The following SLC39A10 variants were observed in gnomAD, a reference collection of about 807,000 sequenced individuals.
The protein encoded by SLC39A10 is zinc transporter ZIP10.
SLC39A10 carries 13 observed loss-of-function variants against 65.1 expected under a neutral mutation model. The observed-to-expected ratio is 0.20, with a 90% CI of 0.13 to 0.32. The LOEUF is 0.32. SLC39A10 is among the 10% of genes least tolerant of loss of function. The probability of loss-of-function intolerance (pLI) is 1.00; values close to 1 mark genes in which losing one functional copy is unlikely to be tolerated. For synonymous variants in SLC39A10, 321 were observed against 342.2 expected (o/e 0.94, Z 0.68); for missense variants, 831 against 1,018.4 (o/e 0.82, Z 2.50).
intron 1 of SLC39A10, among the ~76,000 whole-genome samples, chr2:195,662,566 G>A (rs1689449025): frequency 6.6e-6 from 1 of 152,088 alleles, no homozygotes; most frequent in Non-Finnish European, 1.5e-5. Context: ...GAGCCACCGT[G>A]CCCAGCCTAT....
At chr2:195,620,820 T>C (rs755309081) in intron 2 of SLC39A10, among the ~76,000 whole-genome samples, 1 of 152,214 alleles carries the variant, frequency 6.6e-6, no homozygotes, top group Non-Finnish European at 1.5e-5. Flanking sequence ...CAAAGTTTAT[T>C]GAATGTTGCT....
At chr2:195,657,464 C>T in intron 1 of SLC39A10, 183 bp downstream of exon 1, 1 of 985,850 alleles carries the variant, frequency 1.0e-6, no homozygotes, top group Non-Finnish European at 1.2e-6. Context: ...CGGCGGCGGC[C>T]AGCCGAAGCA....
chr2:195,645,398 T>C (rs1000087578), intron 2 of SLC39A10, among the ~76,000 whole-genome samples: 2 of 152,226 alleles, frequency 1.3e-5, no homozygotes, highest in Admixed American at 6.5e-5. Context: ...TGGAAACTTA[T>C]TCTCAAAATT....
At chr2:195,700,922 T>G (rs1691151905) in intron 3 of SLC39A10, among the ~76,000 whole-genome samples, 1 of 152,144 alleles carries the variant, frequency 6.6e-6, no homozygotes, top group African/African-American at 2.4e-5. Context: ...GGAGTTCATT[T>G]AGCTTCTTAG....
intron 2 of SLC39A10, among the ~76,000 whole-genome samples, chr2:195,637,175 A>T (rs748194192): frequency 9.2e-5 from 14 of 152,284 alleles, no homozygotes; most frequent in Non-Finnish European, 2.1e-4. Flanking sequence ...TTGAGAAAAG[A>T]TTATCATGTC....
At position 195,668,837 on chromosome 2, in the gene SLC39A10, C is replaced by G. The variant is rs1689739835; in HGVS notation, c.-11-11195C>G. Among the ~76,000 whole-genome samples, 7 of 152,250 alleles carry G rather than the reference C, an allele frequency of 4.6e-5. No individual in the cohort carries two copies. In the South Asian group the frequency reaches 1.5e-3, roughly 32 times the overall value. The stretch of plus-strand genomic sequence containing the variant: ...CAGCACTTTGGGTCACATCCCAGCA[C>G]TTTGGGAGGCTGAGGCGGGTAGATT... On this transcript the variant is annotated intron_variant, in intron 1 of 9. Coordinates refer to ENST00000359634, the MANE Select transcript of SLC39A10 (RefSeq NM_020342.3).
intron 3 of SLC39A10, among the ~76,000 whole-genome samples, chr2:195,688,033 G>A (rs933757382): frequency 2.0e-5 from 3 of 152,190 alleles, no homozygotes; most frequent in Admixed American, 6.5e-5. Context: ...GAGAAAGGGA[G>A]TCAGTGAATA....
chr2:195,624,029 A>G (rs1244712762), intron 2 of SLC39A10, among the ~76,000 whole-genome samples: 2 of 152,162 alleles, frequency 1.3e-5, no homozygotes, highest in Non-Finnish European at 2.9e-5. Flanking sequence ...ACTCAGGAAT[A>G]AAATTAAGAG....
intron 2 of SLC39A10, among the ~76,000 whole-genome samples, chr2:195,625,428 A>T (rs1688452234): frequency 6.6e-6 from 1 of 150,814 alleles, no homozygotes; most frequent in African/African-American, 2.4e-5. Context: ...GGCACCTGCC[A>T]CCACGCCCGG....
chr2:195,633,194 G>A (rs549304458), intron 2 of SLC39A10, among the ~76,000 whole-genome samples: 20 of 152,342 alleles, frequency 1.3e-4, no homozygotes, highest in South Asian at 1.0e-3. Flanking sequence ...TCATGGGCAG[G>A]AACTAGAGTG....
At position 195,697,627 on chromosome 2, in the gene SLC39A10, T is replaced by C. The variant is rs1691016375; in HGVS notation, c.1217-8989T>C. Reference sequence around the variant, plus strand: ...GCGTCAGTGTCTCTTGTTCCCCTCATAGAGGGGACAGCCTACAGAATGGGA... The same window carrying C: ...GCGTCAGTGTCTCTTGTTCCCCTCACAGAGGGGACAGCCTACAGAATGGGA... On this transcript the variant is annotated intron_variant, in intron 3 of 9. Transcript: ENST00000359634. Among the ~76,000 whole-genome samples the C allele has an allele frequency of 3.3e-5, 5 of 151,974 alleles. No homozygotes were observed. The South Asian group carries it at 1.0e-3, about 32-fold the overall frequency.
At chr2:195,704,643 CATCAT>C (rs1349184516) in intron 3 of SLC39A10, among the ~76,000 whole-genome samples, 1 of 152,140 alleles carries the variant, frequency 6.6e-6, no homozygotes. Context: ...GCCTGGTGAT[CATCAT>C]TAAGTTAGCC....
chr2:195,647,540 C>G (rs1688947352), intron 2 of SLC39A10, among the ~76,000 whole-genome samples: 1 of 151,956 alleles, frequency 6.6e-6, no homozygotes, highest in South Asian at 2.1e-4. Context: ...TTATCTGACT[C>G]TACTACTCAT....
intron 2 of SLC39A10, among the ~76,000 whole-genome samples, chr2:195,617,980 C>A (rs1057007324): frequency 4.7e-5 from 7 of 149,536 alleles, no homozygotes; most frequent in Non-Finnish European, 1.0e-4. Flanking sequence ...ACCTCGTGAT[C>A]CGCCCACCTT....
intron 3 of SLC39A10, among the ~76,000 whole-genome samples, chr2:195,696,923 A>G (rs1338551026): frequency 1.3e-5 from 2 of 152,202 alleles, no homozygotes; most frequent in Admixed American, 1.3e-4. Context: ...AAAAGGGCCA[A>G]GCAGGTGACT....
intron 8 of SLC39A10, among the ~76,000 whole-genome samples, chr2:195,723,185 C>G (rs1692111861): frequency 6.6e-6 from 1 of 152,148 alleles, no homozygotes; most frequent in Admixed American, 6.5e-5. Flanking sequence ...ATAGCAAACT[C>G]ACATCTCATT....
Position 195,667,534 on chromosome 2 carries a change from CAA to C in SLC39A10, c.-12+10256_-12+10257del, listed in dbSNP as rs1255672983. Among the ~76,000 whole-genome samples, 9 of 152,232 alleles carry C rather than the reference CAA, an allele frequency of 5.9e-5. No homozygotes were observed. In the East Asian group the frequency reaches 1.2e-3, roughly 20 times the overall value. On this transcript the variant is annotated intron_variant, in intron 1 of 9. Coordinates refer to ENST00000359634, the MANE Select transcript of SLC39A10 (RefSeq NM_020342.3). ...TTGTAATATTTTGTTAGCATTCTTT[CAA>C]AAGAGTCACAACAGAGAGACTCCTC...
rs374127172 is a variant in SLC39A10, at chr2:195,716,627, A to G, written c.1697-10A>G. Reference sequence around the variant, plus strand: ...TTATTGATAAAGCATATCCTTTGCTATAAATACAGGAACTGATGACTCGGT... The same window carrying G: ...TTATTGATAAAGCATATCCTTTGCTGTAAATACAGGAACTGATGACTCGGT... On this transcript the variant is annotated splice_polypyrimidine_tract_variant and intron_variant, in intron 6 of 9. Coordinates refer to ENST00000359634, the MANE Select transcript of SLC39A10 (RefSeq NM_020342.3). The G allele has an allele frequency of 3.2e-6, 5 of 1,581,068 alleles. No homozygotes were observed. In the African/African-American group the frequency reaches 6.8e-5, roughly 21 times the overall value.
intron 5 of SLC39A10, among the ~76,000 whole-genome samples, chr2:195,709,118 G>A (rs1320223854): frequency 1.3e-5 from 2 of 152,016 alleles, no homozygotes; most frequent in African/African-American, 4.8e-5. Flanking sequence ...TTGACCTCCT[G>A]GGCTCAGGTG....
Sources: gnomAD v4.1 joint callset for allele counts (sites outside exome capture counted in the v4.1 genomes callset) on GRCh38, gnomAD v4.1.1 for gene constraint, MANE v1.5 for transcripts, NCBI Gene and HGNC (gene_info 2026-07-23, HGNC 2026-07-21) for gene names.